The following LANCL2 variants were observed in gnomAD, a reference collection of about 807,000 sequenced individuals.
The protein encoded by LANCL2 is lanC-like protein 2.
LANCL2 carries 33 observed loss-of-function variants against 56.9 expected under a neutral mutation model. That is an observed-to-expected ratio of 0.58 (90% CI 0.44 to 0.78). The LOEUF (loss-of-function observed/expected upper bound fraction) is 0.78. Among genes scored for constraint, LANCL2 ranks in the 30% least tolerant of loss-of-function variants. LANCL2 has a pLI of 0.00. For synonymous variants in LANCL2, 233 were observed against 228.2 expected, an observed-to-expected ratio of 1.02 and a Z score of -0.19; for missense variants, 562 against 580.2, an observed-to-expected ratio of 0.97 and a Z score of 0.32.
At chr7:55,423,728 A>G (rs116859217) in intron 6 of LANCL2, among the ~76,000 whole-genome samples, 4 of 152,190 alleles carry the variant, frequency 2.6e-5, no homozygotes, top group Non-Finnish European at 5.9e-5. Flanking sequence ...TCATCCCTTT[A>G]TAGTTGAGAA....
At chr7:55,418,351 G>C (rs963437016) in intron 6 of LANCL2, among the ~76,000 whole-genome samples, 2 of 151,672 alleles carry the variant, frequency 1.3e-5, no homozygotes, top group Non-Finnish European at 2.9e-5. Flanking sequence ...GCTAATTTTT[G>C]TATTTTTTTG....
At chr7:55,418,810 A>G (rs1226674205) in intron 6 of LANCL2, among the ~76,000 whole-genome samples, 2 of 151,962 alleles carry the variant, frequency 1.3e-5, no homozygotes, top group African/African-American at 4.8e-5. Context: ...GTTTCCTTTT[A>G]TTACTGGTTA....
At position 55,432,170 on chromosome 7, in the gene LANCL2, A is replaced by G. The variant is rs1465703747; in HGVS notation, c.*850A>G. The stretch of plus-strand genomic sequence containing the variant: ...ACAGGCTCCACCTCAGTTTATCAAC[A>G]TTATAAGTTACTGTTCTAAGAAAAG... On this transcript the variant is annotated 3_prime_UTR_variant, in exon 9 of 9. Coordinates refer to ENST00000254770, the MANE Select transcript of LANCL2 (RefSeq NM_018697.4). The G allele has an allele frequency of 6.6e-6, 1 of 152,242 alleles. No individual in the cohort carries two copies. Among genetic ancestry groups the G allele is most frequent in the African/African-American group, 2.4e-5 (1 of 41,466 alleles). 9.4% of individuals were successfully genotyped at this position (152,242 alleles called of 1,614,324 possible). A position where few individuals can be genotyped will look rare whatever the true frequency, so the allele number is the denominator to read the frequency against.
rs182083284 is a variant in LANCL2, at chr7:55,368,638, C to A, written c.204+2409C>A. 6.7e-4 allele frequency among the ~76,000 whole-genome samples: 102 copies of A among 151,746 alleles called. 1 individual carries two copies. Among genetic ancestry groups the A allele is most frequent in the Admixed American group, 2.9e-3 (44 of 15,282 alleles). ...CAATTTGAGGATATCACACTATGCA[C>A]TGTTTTTGATAGACATGAAATTTCA... On this transcript the variant is annotated intron_variant, in intron 1 of 8. Coordinates refer to ENST00000254770, the MANE Select transcript of LANCL2 (RefSeq NM_018697.4).
chr7:55,424,806 C>T (rs1239103722), intron 6 of LANCL2, among the ~76,000 whole-genome samples: 2 of 152,212 alleles, frequency 1.3e-5, no homozygotes, highest in East Asian at 3.9e-4. Context: ...CTCCCCATCA[C>T]TTGCATTACT....
At chr7:55,397,460 CAAAAAAAAA>C (rs35547837) in intron 2 of LANCL2, among the ~76,000 whole-genome samples, 29 of 90,334 alleles carry the variant, frequency 3.2e-4, no homozygotes, top group African/African-American at 1.4e-3. Flanking sequence ...GACTCTGTCT[CAAAAAAAAA>C]AAAAAAAAAA....
intron 2 of LANCL2, among the ~76,000 whole-genome samples, chr7:55,394,924 C>T (rs888798273): frequency 1.1e-4 from 16 of 152,190 alleles, no homozygotes; most frequent in African/African-American, 3.4e-4. Context: ...GCATGGCTTG[C>T]GGAGAAGCAG....
chr7:55,414,975 C>A lies in LANCL2; in HGVS notation c.1008+2886C>A, dbSNP rs558156515. On this transcript the variant is annotated intron_variant, in intron 6 of 8. Transcript: ENST00000254770. ...CTCCAGCCTGGGTGACACAGCAAGA[C>A]CCTACCTCAAAAAAAAAAAAAAAAA... 3.2e-5 allele frequency among the ~76,000 whole-genome samples: 4 copies of A among 123,506 alleles called. No individual in the cohort carries two copies. The South Asian group carries it at 1.1e-3, about 34-fold the overall frequency. The allele number at this position is 123,506 out of a possible 152,430, so 81.0% of individuals were successfully genotyped here. A position where few individuals can be genotyped will look rare whatever the true frequency, so the allele number is the denominator to read the frequency against.
chr7:55,369,129 C>CA (rs1789909343), intron 1 of LANCL2, among the ~76,000 whole-genome samples: 1 of 152,182 alleles, frequency 6.6e-6, no homozygotes, highest in Admixed American at 6.5e-5. Flanking sequence ...TGACAGAGAG[C>CA]ATGGCCCTGT....
At position 55,379,659 on chromosome 7, in the gene LANCL2, G is replaced by A. The variant is rs1481600039; in HGVS notation, c.205-12134G>A. ...TCTTTGATTACAGTAGAAACCAAAGGTCAAGACACAGGAGGCCTAAGTTAC... is the reference window on the plus strand; with the variant it reads ...TCTTTGATTACAGTAGAAACCAAAGATCAAGACACAGGAGGCCTAAGTTAC... On this transcript the variant is annotated intron_variant, in intron 1 of 8. Coordinates refer to ENST00000254770, the MANE Select transcript of LANCL2 (RefSeq NM_018697.4). 5 of 152,776 alleles carry A rather than the reference G, an allele frequency of 3.3e-5. No homozygotes were observed. In the South Asian group the frequency reaches 8.3e-4, roughly 25 times the overall value. 9.5% of individuals were successfully genotyped at this position (152,776 alleles called of 1,614,324 possible).
chr7:55,387,905 TTTC>T (rs1342408696), intron 1 of LANCL2, among the ~76,000 whole-genome samples: 30 of 152,320 alleles, frequency 2.0e-4, no homozygotes, highest in African/African-American at 6.7e-4. Context: ...CTCTTTTCCT[TTTC>T]TTCTTTAACT....
chr7:55,426,460 T>A (rs1453044321), intron 7 of LANCL2, among the ~76,000 whole-genome samples: 1 of 152,256 alleles, frequency 6.6e-6, no homozygotes, highest in Non-Finnish European at 1.5e-5. Flanking sequence ...GCATTGCGGC[T>A]GATATGTTCT....
chr7:55,409,522 C>G (rs1314727007), intron 5 of LANCL2, among the ~76,000 whole-genome samples: 1 of 152,162 alleles, frequency 6.6e-6, no homozygotes, highest in Non-Finnish European at 1.5e-5. Flanking sequence ...TACTTCATCT[C>G]AGGAAGCTAC....
At chr7:55,403,627 A>G (rs1188094449) in intron 5 of LANCL2, among the ~76,000 whole-genome samples, 21 of 128,786 alleles carry the variant, frequency 1.6e-4, no homozygotes, top group African/African-American at 6.3e-4. Flanking sequence ...GCTGGAGTGC[A>G]GTGGTGTGAT....
chr7:55,410,773 G>A (rs539191191), intron 5 of LANCL2, among the ~76,000 whole-genome samples: 1 of 152,028 alleles, frequency 6.6e-6, no homozygotes, highest in South Asian at 2.1e-4. Flanking sequence ...TTTGTGTGGT[G>A]CTAACCTGTC....
intron 6 of LANCL2, among the ~76,000 whole-genome samples, chr7:55,413,355 A>G (rs1278922760): frequency 6.6e-6 from 1 of 152,196 alleles, no homozygotes; most frequent in Non-Finnish European, 1.5e-5. Context: ...ACAAATATAT[A>G]ATTGCTAAAA....
At chr7:55,400,853 G>C (rs1220823684) in intron 4 of LANCL2, among the ~76,000 whole-genome samples, 1 of 152,152 alleles carries the variant, frequency 6.6e-6, no homozygotes, top group Non-Finnish European at 1.5e-5. Context: ...AAATACTGCA[G>C]CTACGAAGCA....
intron 7 of LANCL2, among the ~76,000 whole-genome samples, chr7:55,425,831 G>A (rs1038984350): frequency 1.3e-5 from 2 of 152,100 alleles, no homozygotes; most frequent in African/African-American, 2.4e-5. Flanking sequence ...GTTTGTAATC[G>A]TCCTGCCAAA....
In LANCL2 at chr7:55,398,606, G is replaced by A. The variant is rs771010676; in HGVS notation, c.506G>A (p.Cys169Tyr). The part of the protein sequence containing the change: ...AVIYHKLRSD[C>Y]ESQECVTKLL... ...ATTTATCACAAACTCAGAAGTGACTGTGAGTCCCAGGAATGTGTCACAAAG... is the reference window on the plus strand; with the variant it reads ...ATTTATCACAAACTCAGAAGTGACTATGAGTCCCAGGAATGTGTCACAAAG... The change falls in exon 3 of 9, where the codon TGT becomes TAT. Residue 169 changes from cysteine (C) to tyrosine (Y), a missense_variant. Physicochemically the swap from Cys to Tyr is radical, Grantham distance 194. This residue lies in a region of LANCL2 where 378 missense variants were observed against 468.4 expected (regional missense o/e 0.81). Transcript: ENST00000254770. The A allele has an allele frequency of 2.2e-5, 35 of 1,613,394 alleles. 1 individual carries two copies. Among genetic ancestry groups the A allele is most frequent in the Admixed American group, 1.7e-5 (1 of 60,012 alleles).
Sources: gnomAD v4.1 joint callset for allele counts (sites outside exome capture counted in the v4.1 genomes callset) on GRCh38, gnomAD v4.1.1 for gene constraint, gnomAD v4.1.1 regional missense constraint, MANE v1.5 for transcripts, NCBI Gene and HGNC (gene_info 2026-07-23, HGNC 2026-07-21) for gene names.